The following THEMIS variants were observed in gnomAD, a reference collection of about 807,000 sequenced individuals.
The protein encoded by THEMIS is thymocyte selection associated, also known as protein THEMIS.
In THEMIS, 37 loss-of-function variants were observed where a neutral mutation model predicts 52.6. That is an observed-to-expected ratio of 0.70 (90% CI 0.54 to 0.93). The LOEUF (loss-of-function observed/expected upper bound fraction) is 0.93, where lower values mean the gene tolerates loss of function less well. Among genes scored for constraint, THEMIS ranks in the 40% least tolerant of loss-of-function variants. THEMIS has a pLI of 0.00. For synonymous variants in THEMIS, 292 were observed against 272.7 expected (o/e 1.07, Z -0.70); for missense variants, 808 against 763.1 (o/e 1.06, Z -0.69).
chr6:127,730,286 GAA>G (rs1335065100), intron 4 of THEMIS, among the ~76,000 whole-genome samples: 2 of 109,860 alleles, frequency 1.8e-5, no homozygotes, highest in South Asian at 7.3e-4. Context: ...ATAAAGAAAA[GAA>G]AAGAAAAGAA....
intron 4 of THEMIS, among the ~76,000 whole-genome samples, chr6:127,787,872 TAGATAGATATAGATAG>T (rs1562257981): frequency 8.1e-6 from 1 of 123,678 alleles, no homozygotes; most frequent in African/African-American, 3.0e-5. Flanking sequence ...GATAGATAGA[TAGATAGATATAGATAG>T]ATAGATAGAT....
chr6:127,885,617 G>A (rs991495706), intron 1 of THEMIS, among the ~76,000 whole-genome samples: 1 of 152,004 alleles, frequency 6.6e-6, no homozygotes, highest in Non-Finnish European at 1.5e-5. Context: ...AACAATACTA[G>A]GGAATAATTT....
intron 4 of THEMIS, among the ~76,000 whole-genome samples, chr6:127,767,255 C>A (rs964913324): frequency 6.6e-6 from 1 of 151,878 alleles, no homozygotes; most frequent in Non-Finnish European, 1.5e-5. Flanking sequence ...TCACACTCAG[C>A]TAATTTTTTG....
chr6:127,744,199 A>T (rs1775304166), intron 4 of THEMIS, among the ~76,000 whole-genome samples: 1 of 151,998 alleles, frequency 6.6e-6, no homozygotes, highest in Non-Finnish European at 1.5e-5. Context: ...TATTCTTTGG[A>T]AATTTTTGGT....
intron 2 of THEMIS, among the ~76,000 whole-genome samples, chr6:127,830,893 TTAAA>T (rs1238086778): frequency 1.9e-4 from 29 of 152,124 alleles, no homozygotes; most frequent in Non-Finnish European, 4.1e-4. Flanking sequence ...CTCAGAAACT[TTAAA>T]TACACCATGA....
At chr6:127,902,730 C>T (rs1428936320), upstream of THEMIS, among the ~76,000 whole-genome samples, 2 of 152,046 alleles carry the variant, frequency 1.3e-5, no homozygotes, top group East Asian at 3.9e-4. Flanking sequence ...AAATGTCCTA[C>T]CCTTGATCTG....
chr6:127,810,990 AC>A (rs1777886780), intron 4 of THEMIS, among the ~76,000 whole-genome samples: 1 of 152,282 alleles, frequency 6.6e-6, no homozygotes, highest in African/African-American at 2.4e-5. Flanking sequence ...GCTTAGCTGT[AC>A]CCTTAAGTGC....
In THEMIS at chr6:127,760,090, T is replaced by C. The variant is rs867625021; in HGVS notation, c.1759-40267A>G. Among the ~76,000 whole-genome samples, 38 of 151,980 alleles carry C rather than the reference T, an allele frequency of 2.5e-4. 1 individual carries two copies. The highest frequency in any genetic ancestry group is 8.7e-4 in the African/African-American group (36 of 41,500). ...AAGCTAAGAATCGAATCTCTTTTTT[T>C]TTTTTTGCATGTGGATTTCTAGTTT... On this transcript the variant is annotated intron_variant, in intron 4 of 5. Transcript: ENST00000368248.
intron 1 of THEMIS, among the ~76,000 whole-genome samples, chr6:127,882,110 C>G (rs1205701805): frequency 6.6e-6 from 1 of 151,106 alleles, no homozygotes; most frequent in Non-Finnish European, 1.5e-5. Flanking sequence ...GACTCCCATA[C>G]TTGGTTTGAC....
intron 2 of THEMIS, among the ~76,000 whole-genome samples, chr6:127,833,742 A>T (rs572429156): frequency 1.7e-3 from 255 of 152,302 alleles, no homozygotes; most frequent in Non-Finnish European, 3.2e-3. Context: ...GAATAGAGAT[A>T]CTTGAGCTAG....
chr6:127,900,995 C>T lies in THEMIS; in HGVS notation c.-63G>A, dbSNP rs1781120438. 2.3e-6 allele frequency: 3 copies of T among 1,327,636 alleles called. No homozygotes were observed. Among genetic ancestry groups the T allele is most frequent in the East Asian group, 2.3e-5 (1 of 43,252 alleles). 82.2% of individuals were successfully genotyped at this position (1,327,636 alleles called of 1,614,324 possible). On this transcript the variant is annotated 5_prime_UTR_variant, in exon 1 of 6. The change creates a new upstream start codon in the 5' untranslated region. Transcript: ENST00000368248. Reference sequence around the variant, plus strand: ...AGAAACTTGTGGCTTCTGGGTGACACTTGTCTGCAATTGCAGCCCCTGCTC... The same window carrying T: ...AGAAACTTGTGGCTTCTGGGTGACATTTGTCTGCAATTGCAGCCCCTGCTC...
intron 4 of THEMIS, among the ~76,000 whole-genome samples, chr6:127,720,329 C>T (rs796073947): frequency 1.8e-4 from 28 of 151,988 alleles, no homozygotes; most frequent in African/African-American, 6.7e-4. Flanking sequence ...TAGTCAATTT[C>T]AGAGTAATAA....
At position 127,898,075 on chromosome 6, in the gene THEMIS, C is replaced by T. The variant is rs139410691; in HGVS notation, c.91+2767G>A. ...GTAAGGGTCATAAATGGACAAAAGT[C>T]ATGATAGTGGTTACACTTGAGGGAG... On this transcript the variant is annotated intron_variant, in intron 1 of 5. Coordinates refer to ENST00000368248, the MANE Select transcript of THEMIS (RefSeq NM_001010923.3). Among the ~76,000 whole-genome samples, 748 of 151,634 alleles carry T rather than the reference C, an allele frequency of 4.9e-3. 7 individuals are homozygous for T. In the Middle Eastern group the frequency reaches 0.051, roughly 10 times the overall value.
At chr6:127,826,406 T>C (rs1019961178) in intron 3 of THEMIS, among the ~76,000 whole-genome samples, 4 of 152,198 alleles carry the variant, frequency 2.6e-5, no homozygotes, top group Non-Finnish European at 5.9e-5. Context: ...AATATGCAGA[T>C]ACAACTGTTC....
intron 2 of THEMIS, among the ~76,000 whole-genome samples, chr6:127,845,860 G>A (rs903248552): frequency 3.3e-5 from 5 of 151,922 alleles, no homozygotes; most frequent in African/African-American, 1.2e-4. Flanking sequence ...ATATTCCTAA[G>A]AATCCAGAAA....
chr6:127,791,143 A>G (rs1777141060), intron 4 of THEMIS, among the ~76,000 whole-genome samples: 2 of 152,210 alleles, frequency 1.3e-5, no homozygotes, highest in Non-Finnish European at 2.9e-5. Flanking sequence ...GCAGGTCCCA[A>G]GTTCTTGTAC....
chr6:127,722,707 C>A (rs1774403201), intron 4 of THEMIS, among the ~76,000 whole-genome samples: 1 of 151,920 alleles, frequency 6.6e-6, no homozygotes, highest in Non-Finnish European at 1.5e-5. Flanking sequence ...CCGTTGCAAC[C>A]TTACCTCCTT....
intron 2 of THEMIS, among the ~76,000 whole-genome samples, chr6:127,849,453 C>T (rs1435386306): frequency 2.0e-5 from 3 of 151,736 alleles, no homozygotes; most frequent in Admixed American, 1.3e-4. Context: ...ATGCCATCCC[C>T]ATCAAGCTAC....
intron 1 of THEMIS, among the ~76,000 whole-genome samples, chr6:127,882,528 G>A: frequency 6.6e-6 from 1 of 151,874 alleles, no homozygotes; most frequent in East Asian, 1.9e-4. Context: ...ATGTAAACAT[G>A]TAAAAAAATT....
Sources: allele counts gnomAD v4.1 joint callset (sites outside exome capture counted in the v4.1 genomes callset), GRCh38; gene constraint gnomAD v4.1.1; transcripts MANE v1.5; gene names NCBI Gene and HGNC (gene_info 2026-07-23, HGNC 2026-07-21).